The following NARS2 variants were observed in gnomAD, a reference collection of about 807,000 sequenced individuals.
NARS2 encodes the protein asparaginyl-tRNA synthetase 2, mitochondrial, also known as asparaginyl-tRNA synthetase.
NARS2 carries 60 observed loss-of-function variants against 62.9 expected under a neutral mutation model. That is an observed-to-expected ratio of 0.95 (90% CI 0.77 to 1.18). The LOEUF (loss-of-function observed/expected upper bound fraction) is 1.18. Among genes scored for constraint, NARS2 ranks in the 50% most tolerant of loss-of-function variants. NARS2 has a pLI of 0.00. For synonymous variants in NARS2, 196 were observed against 200.0 expected (o/e 0.98, Z 0.17); for missense variants, 619 against 576.4 (o/e 1.07, Z -0.76).
intron 12 of NARS2, among the ~76,000 whole-genome samples, chr11:78,442,309 G>C (rs1343639015): frequency 2.0e-5 from 3 of 152,162 alleles, no homozygotes; most frequent in South Asian, 2.1e-4. Context: ...TTTTAATGCT[G>C]TAATAGTAGT....
chr11:78,492,213 A>G (rs1591200639), intron 7 of NARS2, among the ~76,000 whole-genome samples: 1 of 151,926 alleles, frequency 6.6e-6, no homozygotes, highest in East Asian at 1.9e-4. Context: ...TGGAATTTTG[A>G]TGAAGACACT....
At chr11:78,521,242 G>A (rs1408409090) in intron 6 of NARS2, among the ~76,000 whole-genome samples, 1 of 150,516 alleles carries the variant, frequency 6.6e-6, no homozygotes, top group Non-Finnish European at 1.5e-5. Flanking sequence ...ACAGCTCACT[G>A]CAGTCTACAA....
At chr11:78,544,315 T>C (rs576977146) in intron 5 of NARS2, among the ~76,000 whole-genome samples, 22 of 152,190 alleles carry the variant, frequency 1.4e-4, no homozygotes, top group Non-Finnish European at 2.9e-4. Flanking sequence ...ATGTTTCTGG[T>C]TGTCATAACT....
At chr11:78,545,517 C>T (rs1322860670) in intron 5 of NARS2, among the ~76,000 whole-genome samples, 1 of 146,556 alleles carries the variant, frequency 6.8e-6, no homozygotes, top group Non-Finnish European at 1.5e-5. Flanking sequence ...GTCCGTCATG[C>T]TTTTTCCTTT....
chr11:78,554,390 G>C (rs1856252751), intron 5 of NARS2, among the ~76,000 whole-genome samples: 1 of 152,142 alleles, frequency 6.6e-6, no homozygotes, highest in South Asian at 2.1e-4. Context: ...TCCTACCCAT[G>C]AGCATGGGAT....
intron 11 of NARS2, among the ~76,000 whole-genome samples, chr11:78,452,414 T>A (rs1294032732): frequency 6.6e-6 from 1 of 151,988 alleles, no homozygotes; most frequent in South Asian, 2.1e-4. Flanking sequence ...GCCGATTTTT[T>A]TTTTTATTTT....
chr11:78,495,370 A>C (rs897796416), intron 6 of NARS2, among the ~76,000 whole-genome samples: 2 of 152,032 alleles, frequency 1.3e-5, no homozygotes, highest in African/African-American at 4.8e-5. Context: ...TTCATCCTTC[A>C]ATACTTGGCT....
chr11:78,483,616 T>C (rs553485089), intron 7 of NARS2, among the ~76,000 whole-genome samples: 18 of 152,166 alleles, frequency 1.2e-4, no homozygotes, highest in Non-Finnish European at 1.9e-4. Context: ...GAGAGCCAAA[T>C]CATGAGTCAA....
chr11:78,510,814 C>T (rs757177315), intron 6 of NARS2, among the ~76,000 whole-genome samples: 17 of 152,112 alleles, frequency 1.1e-4, no homozygotes, highest in Admixed American at 3.3e-4. Flanking sequence ...ATGGTATATC[C>T]ATTCAGTGGG....
chr11:78,524,487 A>G (rs1239865115), intron 6 of NARS2, among the ~76,000 whole-genome samples: 1 of 152,116 alleles, frequency 6.6e-6, no homozygotes, highest in African/African-American at 2.4e-5. Context: ...AATCCCTCTA[A>G]TAATAATAAA....
At chr11:78,562,355 G>A (rs1424007093) in intron 4 of NARS2, among the ~76,000 whole-genome samples, 1 of 152,096 alleles carries the variant, frequency 6.6e-6, no homozygotes, top group Non-Finnish European at 1.5e-5. Context: ...AATTGGGCCT[G>A]GGGGATTAAG....
rs774161803 is a variant in NARS2, at chr11:78,559,604, G to A, written c.529C>T (p.His177Tyr). The A allele has an allele frequency of 6.2e-7, 1 of 1,611,794 alleles. No homozygotes were observed. Among genetic ancestry groups the A allele is most frequent in the African/African-American group, 1.3e-5 (1 of 74,996 alleles). Residue 177 changes from histidine to tyrosine, a missense_variant, in exon 5 of 14, where the codon CAT becomes TAT. Transcript: ENST00000281038. ...HSFFKDSGFV[H>Y]IHTPIITSND... ...GATGTGATTATTGGAGTATGAATAT[G>A]TACAAAGCCACTGTCCTGAAAAAGA...
At chr11:78,556,857 T>C (rs1405195421) in intron 5 of NARS2, among the ~76,000 whole-genome samples, 1 of 152,214 alleles carries the variant, frequency 6.6e-6, no homozygotes, top group African/African-American at 2.4e-5. Context: ...GGAAAACGTG[T>C]ACAAACAAGG....
chr11:78,467,892 G>A (rs963013618), intron 10 of NARS2, among the ~76,000 whole-genome samples: 1 of 151,904 alleles, frequency 6.6e-6, no homozygotes, highest in Non-Finnish European at 1.5e-5. Context: ...CTGTCACCTA[G>A]GCTGGAGGGC....
At chr11:78,532,961 C>T (rs1861533805) in intron 5 of NARS2, among the ~76,000 whole-genome samples, 1 of 152,114 alleles carries the variant, frequency 6.6e-6, no homozygotes, top group Admixed American at 6.6e-5. Context: ...AGCAATGACC[C>T]AACTACTCTG....
In NARS2 at chr11:78,528,884, A is replaced by G; in HGVS notation, c.647T>C (p.Phe216Ser). 1 of 1,613,196 alleles carries G rather than the reference A, an allele frequency of 6.2e-7. No individual in the cohort carries two copies. The highest frequency in any genetic ancestry group is 8.5e-7 in the Non-Finnish European group (1 of 1,179,634). The change falls in exon 6 of 14, where the codon TTC (phenylalanine) becomes TCC (serine). Residue 216 changes from phenylalanine to serine, a missense_variant. By Grantham distance (155) the Phe-to-Ser change is radical (BLOSUM62 -2). Coordinates refer to ENST00000281038, the MANE Select transcript of NARS2 (RefSeq NM_024678.6). ...ATGAAGTTGTCCTGAGACAGTTAAGAAAGCAGGAACATTGAAGAAATTCTC... is the reference window on the plus strand; with the variant it reads ...ATGAAGTTGTCCTGAGACAGTTAAGGAAGCAGGAACATTGAAGAAATTCTC... ...PEENFFNVPAFLTVSGQLHLE... is the reference protein window; with the variant it reads ...PEENFFNVPASLTVSGQLHLE...
intron 6 of NARS2, among the ~76,000 whole-genome samples, chr11:78,528,011 T>A (rs977009522): frequency 6.6e-6 from 1 of 152,168 alleles, no homozygotes; most frequent in Non-Finnish European, 1.5e-5. Flanking sequence ...TTGGGAGGCC[T>A]AAGGCAGGAA....
chr11:78,487,745 T>C (rs112195273), intron 7 of NARS2, among the ~76,000 whole-genome samples: 2 of 151,668 alleles, frequency 1.3e-5, no homozygotes, highest in African/African-American at 4.8e-5. Flanking sequence ...AATTCAAGAC[T>C]GGATTTATTC....
intron 11 of NARS2, among the ~76,000 whole-genome samples, chr11:78,463,435 A>T (rs1225168153): frequency 3.3e-5 from 5 of 152,268 alleles, no homozygotes; most frequent in Middle Eastern, 3.4e-3. Context: ...CCTGTAATCC[A>T]AGCACTTTGG....
Sources: gnomAD v4.1 joint callset for allele counts (sites outside exome capture counted in the v4.1 genomes callset) on GRCh38, gnomAD v4.1.1 for gene constraint, MANE v1.5 for transcripts, NCBI Gene and HGNC (gene_info 2026-07-23, HGNC 2026-07-21) for gene names.